The following ODAD2 variants were observed in gnomAD, a reference collection of about 807,000 sequenced individuals.
ODAD2 encodes the protein outer dynein arm-docking complex subunit 2.
A neutral mutation model predicts 106.8 loss-of-function variants in ODAD2; 89 were observed. That is an observed-to-expected ratio of 0.83 (90% CI 0.70 to 0.99). The LOEUF is 0.99. Among genes scored for constraint, ODAD2 ranks in the 50% least tolerant of loss-of-function variants. ODAD2 has a pLI of 0.00. For missense variants in ODAD2, 1,168 were observed against 1,238.5 expected (o/e 0.94, Z 0.85); for synonymous variants, 404 against 436.2 (o/e 0.93, Z 0.92).
At chr10:27,970,730 G>T (rs1266162986) in intron 8 of ODAD2, among the ~76,000 whole-genome samples, 5 of 152,168 alleles carry the variant, frequency 3.3e-5, no homozygotes, top group East Asian at 1.9e-4. Context: ...TTGGGAGGCT[G>T]AGGTGGGCAG....
chr10:27,876,030 G>C (rs1208678664), intron 17 of ODAD2, among the ~76,000 whole-genome samples: 1 of 152,204 alleles, frequency 6.6e-6, no homozygotes, highest in Non-Finnish European at 1.5e-5. Context: ...GCTTGAGTAG[G>C]TAAACAAAGA....
chr10:27,902,706 G>C (rs1843300508), intron 17 of ODAD2, among the ~76,000 whole-genome samples: 2 of 152,114 alleles, frequency 1.3e-5, no homozygotes, highest in Admixed American at 6.5e-5. Flanking sequence ...AGAAGAAATG[G>C]ATAAATTCCT....
chr10:27,885,534 ATATATATATATAT>A (rs1564465192), intron 17 of ODAD2, among the ~76,000 whole-genome samples: 2 of 1,582 alleles, frequency 1.3e-3, no homozygotes, highest in African/African-American at 2.6e-3. Flanking sequence ...AAAAAAAAAA[ATATATATATATAT>A]AAATATATAA....
At chr10:27,992,013 T>C (rs11818106) in intron 2 of ODAD2, among the ~76,000 whole-genome samples, 7,739 of 152,280 alleles carry the variant, frequency 0.051, 698 homozygotes, top group African/African-American at 0.18. Flanking sequence ...CTTGTTCTCA[T>C]AGCAAACACT....
chr10:27,921,377 C>T (rs1844766759), intron 16 of ODAD2, among the ~76,000 whole-genome samples: 1 of 151,406 alleles, frequency 6.6e-6, no homozygotes, highest in African/African-American at 2.4e-5. Context: ...GAAAGCTAAC[C>T]TTTAAATTTT....
chr10:27,879,530 G>A (rs542758712), intron 17 of ODAD2, among the ~76,000 whole-genome samples: 2 of 151,988 alleles, frequency 1.3e-5, no homozygotes, highest in African/African-American at 4.8e-5. Context: ...GTAATTCCCT[G>A]TTCAGGTTCA....
chr10:27,886,870 A>AT (rs1306702524), intron 17 of ODAD2, among the ~76,000 whole-genome samples: 5 of 152,128 alleles, frequency 3.3e-5, no homozygotes, highest in African/African-American at 1.2e-4. Context: ...CAAAGAAAAT[A>AT]ACCATAAAAT....
At chr10:27,896,974 G>A (rs554738572) in intron 17 of ODAD2, among the ~76,000 whole-genome samples, 3 of 151,664 alleles carry the variant, frequency 2.0e-5, no homozygotes, top group South Asian at 2.1e-4. Context: ...TTAAACTCTC[G>A]CCTCTCAGTG....
intron 19 of ODAD2, among the ~76,000 whole-genome samples, chr10:27,826,314 A>G (rs1349897685): frequency 1.4e-4 from 21 of 152,124 alleles, no homozygotes; most frequent in Admixed American, 1.4e-3. Context: ...AGGCTTCCGG[A>G]TCATGTACAT....
chr10:27,864,976 G>A (rs1840338419), intron 17 of ODAD2, among the ~76,000 whole-genome samples: 1 of 152,126 alleles, frequency 6.6e-6, no homozygotes, highest in South Asian at 2.1e-4. Context: ...CCCTCATGAA[G>A]GTAGGCACCA....
At chr10:27,819,936 C>T (rs1836469343) in intron 19 of ODAD2, among the ~76,000 whole-genome samples, 1 of 152,146 alleles carries the variant, frequency 6.6e-6, no homozygotes. Flanking sequence ...GACCAAGAGG[C>T]AGCCTGGCTT....
intron 16 of ODAD2, among the ~76,000 whole-genome samples, chr10:27,933,531 T>C (rs1845749483): frequency 6.6e-6 from 1 of 152,102 alleles, no homozygotes; most frequent in Non-Finnish European, 1.5e-5. Context: ...TGATGCCAAA[T>C]AGGACCCATT....
rs117144428 is a variant in ODAD2, at chr10:27,820,039, C to T, written c.3022-7414G>A. Among the ~76,000 whole-genome samples the T allele has an allele frequency of 3.6e-3, 550 of 152,200 alleles. 2 individuals are homozygous for T. Among genetic ancestry groups the T allele is most frequent in the Non-Finnish European group, 6.3e-3 (427 of 68,022 alleles). On this transcript the variant is annotated intron_variant, in intron 19 of 19. Coordinates refer to ENST00000305242, the MANE Select transcript of ODAD2 (RefSeq NM_018076.5). The stretch of plus-strand genomic sequence containing the variant: ...ACTCACGCTCATGGTGATTCTTTTG[C>T]CAGTTCAGAAGTCTGGTTCTGGTGT...
At chr10:27,893,656 G>C (rs190698674) in intron 17 of ODAD2, among the ~76,000 whole-genome samples, 1 of 152,122 alleles carries the variant, frequency 6.6e-6, no homozygotes, top group Non-Finnish European at 1.5e-5. Flanking sequence ...AAATGCTTCC[G>C]TACAAAATAA....
At chr10:27,915,412 G>T (rs980530135) in intron 16 of ODAD2, among the ~76,000 whole-genome samples, 5 of 152,056 alleles carry the variant, frequency 3.3e-5, no homozygotes, top group African/African-American at 1.2e-4. Context: ...AACTTCACAT[G>T]GTAGAAGGGG....
intron 2 of ODAD2, among the ~76,000 whole-genome samples, chr10:27,988,968 G>A (rs1042010367): frequency 1.3e-5 from 2 of 152,128 alleles, no homozygotes; most frequent in African/African-American, 4.8e-5. Flanking sequence ...CAGAGGCAGC[G>A]ACAGGGATAT....
At chr10:27,898,106 A>G (rs1401441953) in intron 17 of ODAD2, among the ~76,000 whole-genome samples, 2 of 152,212 alleles carry the variant, frequency 1.3e-5, no homozygotes, top group African/African-American at 4.8e-5. Context: ...CAGAAATAAT[A>G]TCTATCAAAA....
chr10:27,973,695 A>G (rs1035098525), intron 7 of ODAD2, among the ~76,000 whole-genome samples: 5 of 152,124 alleles, frequency 3.3e-5, no homozygotes, highest in African/African-American at 1.2e-4. Context: ...ACTGATGGCC[A>G]TTTAGGTTGA....
rs369294270 is a variant in ODAD2, at chr10:27,961,678, T to C, written c.1276A>G (p.Ser426Gly). 2.4e-5 allele frequency: 39 copies of C among 1,601,494 alleles called. No individual in the cohort carries two copies. Among genetic ancestry groups the C allele is most frequent in the Non-Finnish European group, 3.3e-5 (39 of 1,170,484 alleles). The change falls in exon 10 of 20, where the codon AGC becomes GGC. Residue 426 changes from serine (S) to glycine (G), a missense_variant. Physicochemically the swap from Ser to Gly is moderately conservative, Grantham distance 56. Transcript: ENST00000305242. ...TCATCTTCCTCACTTTCTGAGGAGC[T>C]ATCGCTAACAGTTTCCTCAATCTTT... ...AEKIEETVSD[S>G]SSESEEDEEP...
Sources: allele counts gnomAD v4.1 joint callset (sites outside exome capture counted in the v4.1 genomes callset), GRCh38; gene constraint gnomAD v4.1.1; transcripts MANE v1.5; gene names NCBI Gene and HGNC (gene_info 2026-07-23, HGNC 2026-07-21).